DMD: variants seen among roughly 807,000 people sequenced by gnomAD.
DMD encodes mutant dystrophin.
In DMD, 63 loss-of-function variants were observed where a neutral mutation model predicts 330.1. The observed-to-expected ratio is 0.19, with a 90% confidence interval of 0.16 to 0.24. The LOEUF (loss-of-function observed/expected upper bound fraction) is 0.24, where lower values mean the gene tolerates loss of function less well. Ranked by LOEUF, DMD falls within the 10% of genes least tolerant of loss-of-function variation. DMD has a pLI of 1.00. For synonymous variants in DMD, 1,223 were observed against 959.8 expected, an observed-to-expected ratio of 1.27 and a Z score of -5.07; for missense variants, 3,344 against 2,684.1, an observed-to-expected ratio of 1.25 and a Z score of -5.43.
chrX:31,517,640 G>A (rs912073198), intron 55 of DMD, among the ~76,000 whole-genome samples: 10 of 110,991 alleles, frequency 9.0e-5, no homozygotes, highest in Non-Finnish European at 1.9e-4. Flanking sequence ...AAGGCAGGAA[G>A]TCTAGTGGAC....
intron 26 of DMD, among the ~76,000 whole-genome samples, chrX:32,452,550 C>T (rs1371806702): frequency 1.9e-5 from 2 of 105,536 alleles, no homozygotes; most frequent in African/African-American, 3.4e-5. Context: ...AATAAAATAC[C>T]TTCAATCCTG....
intron 3 of DMD, among the ~76,000 whole-genome samples, chrX:32,847,739 A>G (rs2080806567): frequency 8.9e-6 from 1 of 112,037 alleles, no homozygotes; most frequent in African/African-American, 3.2e-5. Flanking sequence ...TTTCCCTACC[A>G]CTAGCTTACC....
intron 44 of DMD, among the ~76,000 whole-genome samples, chrX:32,017,253 T>A (rs975426503): frequency 3.6e-5 from 4 of 111,887 alleles, no homozygotes; most frequent in Non-Finnish European, 7.5e-5. Context: ...TTCAATAATT[T>A]TGAAGCATCA....
intron 44 of DMD, among the ~76,000 whole-genome samples, chrX:32,072,372 A>G (rs1363951518): frequency 9.0e-6 from 1 of 111,152 alleles, no homozygotes; most frequent in Non-Finnish European, 1.9e-5. Flanking sequence ...GGAGGAAACT[A>G]TATAGTGAAC....
chrX:31,316,747 G>A (rs2056046907), intron 62 of DMD, among the ~76,000 whole-genome samples: 1 of 112,009 alleles, frequency 8.9e-6, no homozygotes, highest in African/African-American at 3.2e-5. Context: ...CCATCAAATG[G>A]CAGAGGAGAA....
chrX:31,910,204 T>C (rs2094530052), intron 47 of DMD, among the ~76,000 whole-genome samples: 1 of 111,885 alleles, frequency 8.9e-6, no homozygotes, highest in African/African-American at 3.2e-5. Context: ...TTACCCACAC[T>C]TGAAAAGTCA....
intron 19 of DMD, among the ~76,000 whole-genome samples, chrX:32,492,615 T>C (rs1213060509): frequency 8.9e-6 from 1 of 112,073 alleles, no homozygotes; most frequent in African/African-American, 3.2e-5. Flanking sequence ...ATTCCATACA[T>C]AGCATGAAAG....
At chrX:31,252,985 G>A (rs1052087644) in intron 63 of DMD, among the ~76,000 whole-genome samples, 6 of 95,337 alleles carry the variant, frequency 6.3e-5, no homozygotes, top group Admixed American at 2.3e-4. Context: ...GTGAGACTCC[G>A]TCTCAAAAAA....
intron 13 of DMD, 58 bp from the exon 14 acceptor site, chrX:32,573,904 A>T: frequency 9.8e-7 from 1 of 1,020,513 alleles, no homozygotes; most frequent in Admixed American, 2.3e-5. Context: ...ACGTTTTATT[A>T]AAAATGGCAT....
chrX:31,557,730 G>C (rs1421513821), intron 55 of DMD, among the ~76,000 whole-genome samples: 2 of 111,826 alleles, frequency 1.8e-5, no homozygotes, highest in African/African-American at 6.5e-5. Flanking sequence ...CAAAGGAGGG[G>C]AAAGAGAAAG....
chrX:33,001,849 C>G (rs755623442), intron 2 of DMD, among the ~76,000 whole-genome samples: 33 of 110,968 alleles, frequency 3.0e-4, no homozygotes, highest in Non-Finnish European at 5.3e-4. Flanking sequence ...TCTTCATTAT[C>G]TTACTTAATC....
At chrX:32,295,550 T>C (rs1200237765) in intron 42 of DMD, among the ~76,000 whole-genome samples, 8 of 112,536 alleles carry the variant, frequency 7.1e-5, no homozygotes, top group Non-Finnish European at 1.5e-4. Flanking sequence ...AGTCTCTCCC[T>C]TAAGAAGATA....
chrX:33,172,055 G>A (rs1485414168), intron 1 of DMD, among the ~76,000 whole-genome samples: 1 of 110,957 alleles, frequency 9.0e-6, no homozygotes, highest in Non-Finnish European at 1.9e-5. Context: ...AACTAGAAAT[G>A]CATGGGAAAG....
intron 7 of DMD, among the ~76,000 whole-genome samples, chrX:32,706,878 G>A (rs58596992): frequency 0.04 from 4,426 of 110,943 alleles, 234 homozygotes; most frequent in African/African-American, 0.14. Flanking sequence ...ATCACCTGAG[G>A]TCAGGAGTTC....
intron 60 of DMD, among the ~76,000 whole-genome samples, chrX:31,395,872 A>C (rs1389759486): frequency 8.9e-6 from 1 of 112,360 alleles, no homozygotes; most frequent in African/African-American, 3.2e-5. Flanking sequence ...AAATGGGAAT[A>C]TGAAAAACAA....
chrX:32,429,387 G>GTTTTTTTTTGTTTTTTTT (rs2098227559), intron 29 of DMD, among the ~76,000 whole-genome samples: 2 of 44,196 alleles, frequency 4.5e-5, no homozygotes, highest in African/African-American at 2.2e-4. Flanking sequence ...TTTTTTTTGG[G>GTTTTTTTTTGTTTTTTTT]TTTTTTTTTT....
chrX:33,128,540 G>T (rs2095478765), intron 1 of DMD: 1 of 701,060 alleles, frequency 1.4e-6, no homozygotes. Flanking sequence ...TAACTGTGTC[G>T]TCTGCTTTAT....
At chrX:32,563,099 G>T (rs1303023212) in intron 16 of DMD, among the ~76,000 whole-genome samples, 1 of 110,661 alleles carries the variant, frequency 9.0e-6, no homozygotes, top group East Asian at 2.8e-4. Flanking sequence ...TCAGCACTTT[G>T]GGAGGCCGAA....
chrX:32,405,002 T>C (rs16990308), intron 30 of DMD, among the ~76,000 whole-genome samples: 2,680 of 111,721 alleles, frequency 0.024, 82 homozygotes, highest in African/African-American at 0.084. Flanking sequence ...AGTAGTTTGA[T>C]TGCCACTCTG....
Sources: gnomAD v4.1 joint callset for allele counts (sites outside exome capture counted in the v4.1 genomes callset) on GRCh38, gnomAD v4.1.1 for gene constraint, MANE v1.5 for transcripts, NCBI Gene and HGNC (gene_info 2026-07-23, HGNC 2026-07-21) for gene names.